MAST4: variants seen among roughly 807,000 people sequenced by gnomAD.
MAST4 encodes microtubule-associated serine/threonine-protein kinase 4.
Under a neutral mutation model 162.7 loss-of-function variants are expected in MAST4, and 89 were observed. The observed-to-expected ratio is 0.55, with a 90% CI of 0.46 to 0.65. MAST4 has a LOEUF of 0.65. Ranked by LOEUF, MAST4 falls within the 30% of genes least tolerant of loss-of-function variation. The pLI, the probability that MAST4 is intolerant of heterozygous loss-of-function variation, is 0.00. For missense variants in MAST4, 3,153 were observed against 3,374.0 expected (o/e 0.93, Z 1.62); for synonymous variants, 1,479 against 1,361.1 (o/e 1.09, Z -1.91).
chr5:66,942,415 A>C (rs968748724), intron 4 of MAST4, among the ~76,000 whole-genome samples: 15 of 152,176 alleles, frequency 9.9e-5, no homozygotes, highest in Non-Finnish European at 1.6e-4. Flanking sequence ...GGGGAATCCC[A>C]GTTAGGTTTC....
intron 3 of MAST4, among the ~76,000 whole-genome samples, chr5:66,845,899 A>G (rs1178666302): frequency 6.6e-6 from 1 of 152,116 alleles, no homozygotes; most frequent in Non-Finnish European, 1.5e-5. Context: ...CTGGGACTTC[A>G]AGGATGCTTT....
intron 3 of MAST4, among the ~76,000 whole-genome samples, chr5:66,824,258 T>C (rs1174554124): frequency 2.0e-5 from 3 of 152,206 alleles, no homozygotes; most frequent in African/African-American, 7.2e-5. Context: ...ACTGATGGTA[T>C]TGGAAATCAC....
At chr5:67,005,064 A>G (rs1751833400) in intron 4 of MAST4, 1 of 770,460 alleles carries the variant, frequency 1.3e-6, no homozygotes, top group African/African-American at 1.7e-5. Flanking sequence ...AGGAGTGGGA[A>G]CAGGCTTCGG....
In MAST4 at chr5:67,138,797, C is replaced by T. The variant is rs537380608; in HGVS notation, c.2494+2133C>T. 4.6e-5 allele frequency among the ~76,000 whole-genome samples: 7 copies of T among 152,208 alleles called. No homozygotes were observed. The South Asian group carries it at 1.5e-3, about 32-fold the overall frequency. On this transcript the variant is annotated intron_variant, in intron 19 of 28. Transcript: ENST00000403625. ...GTGTGGAATTTTCCACTTGTGGTGT[C>T]ATATCAGTGCTCAAAAAATTTCAGA... is the stretch of plus-strand genomic sequence containing the variant.
chr5:66,854,273 TTATC>T (rs1438030637), intron 3 of MAST4, among the ~76,000 whole-genome samples: 1 of 152,208 alleles, frequency 6.6e-6, no homozygotes, highest in Non-Finnish European at 1.5e-5. Context: ...CCTAGACTAT[TTATC>T]CATATTTTGG....
intron 3 of MAST4, 68 bp from the exon 4 acceptor site, chr5:66,899,883 C>T: frequency 8.2e-7 from 1 of 1,224,716 alleles, no homozygotes; most frequent in South Asian, 1.6e-5. Flanking sequence ...CTACGTTATC[C>T]ATTTGGTATC....
chr5:66,916,242 C>T (rs35199908), intron 4 of MAST4, among the ~76,000 whole-genome samples: 1 of 152,040 alleles, frequency 6.6e-6, no homozygotes, highest in East Asian at 1.9e-4. Context: ...CTGGTGGAGA[C>T]CAATGGCTTA....
intron 3 of MAST4, among the ~76,000 whole-genome samples, chr5:66,854,590 C>T (rs1759539475): frequency 6.6e-6 from 1 of 152,038 alleles, no homozygotes; most frequent in African/African-American, 2.4e-5. Context: ...CAACTCACTT[C>T]CATCAGACGG....
chr5:66,754,937 G>A lies in MAST4; in HGVS notation c.364-4772G>A, dbSNP rs1265170408. On this transcript the variant is annotated intron_variant, in intron 1 of 28. Coordinates refer to ENST00000403625, the MANE Select transcript of MAST4 (RefSeq NM_001164664.2). The stretch of plus-strand genomic sequence containing the variant: ...AGGTAGAGGAAATGATAAATGTAAG[G>A]TCCTGGGTGGGAAGAGCCTGGGGCA... Among the ~76,000 whole-genome samples, 8 of 152,292 alleles carry A rather than the reference G, an allele frequency of 5.3e-5. No homozygotes were observed. The East Asian group carries it at 5.8e-4, about 11-fold the overall frequency.
At chr5:66,823,500 C>A (rs953137192) in intron 3 of MAST4, among the ~76,000 whole-genome samples, 2 of 152,320 alleles carry the variant, frequency 1.3e-5, no homozygotes, top group Middle Eastern at 3.4e-3. Context: ...TGTTTTGAGA[C>A]TGAGTCTTGC....
intron 1 of MAST4, among the ~76,000 whole-genome samples, chr5:66,626,643 C>T (rs1189751116): frequency 2.0e-5 from 3 of 152,194 alleles, no homozygotes; most frequent in African/African-American, 7.2e-5. Context: ...AGACTGTAAG[C>T]AGTGTTTCCT....
chr5:67,107,173 G>T (rs941445473), intron 10 of MAST4, among the ~76,000 whole-genome samples: 1 of 152,176 alleles, frequency 6.6e-6, no homozygotes, highest in Non-Finnish European at 1.5e-5. Context: ...GCTTAGTCCT[G>T]TGTTTTTCAT....
intron 1 of MAST4, among the ~76,000 whole-genome samples, chr5:66,743,410 G>T (rs922319138): frequency 6.6e-6 from 1 of 152,244 alleles, no homozygotes; most frequent in Non-Finnish European, 1.5e-5. Context: ...GACCTGGGAA[G>T]AGAGAAGCTG....
intron 1 of MAST4, among the ~76,000 whole-genome samples, chr5:66,702,749 C>T (rs1291944671): frequency 6.6e-6 from 1 of 152,110 alleles, no homozygotes; most frequent in Non-Finnish European, 1.5e-5. Flanking sequence ...TTACCAGAGA[C>T]CTAATCAGGT....
rs776704393 is a variant in MAST4 at position 67,166,129 on chromosome 5, A to ACCAGAAACTGT, written c.6953_6963dup (p.Ala2322ArgfsTer22). 2.0e-5 allele frequency: 32 copies of ACCAGAAACTGT among 1,600,320 alleles called. No homozygotes were observed. The highest frequency in any genetic ancestry group is 2.7e-5 in the Non-Finnish European group (32 of 1,173,192). On this transcript the variant is annotated frameshift_variant, in exon 29 of 29. Coordinates refer to ENST00000403625, the MANE Select transcript of MAST4 (RefSeq NM_001164664.2). LOFTEE classifies it low-confidence loss of function (END_TRUNC). Reference sequence around the variant, plus strand: ...CACCCAGGGCCTAGTGAGCCAGCGGACCAGAAACTGTCCGCTGTTGGTGAA... The same window carrying ACCAGAAACTGT: ...CACCCAGGGCCTAGTGAGCCAGCGGACCAGAAACTGTCCAGAAACTGTCCGCTGTTGGTGAA...
intron 3 of MAST4, among the ~76,000 whole-genome samples, chr5:66,847,833 A>AAAAAG (rs1181803457): frequency 6.6e-6 from 1 of 150,968 alleles, no homozygotes; most frequent in Non-Finnish European, 1.5e-5. Flanking sequence ...AAAAAAAAAA[A>AAAAAG]AAAAAAAAAA....
At chr5:66,876,086 T>TA (rs1394140638) in intron 3 of MAST4, among the ~76,000 whole-genome samples, 2 of 152,152 alleles carry the variant, frequency 1.3e-5, no homozygotes, top group Non-Finnish European at 2.9e-5. Context: ...CTATACTTTT[T>TA]AAAAAAATGC....
At chr5:67,129,415 A>G (rs1480592290) in intron 14 of MAST4, among the ~76,000 whole-genome samples, 1 of 152,168 alleles carries the variant, frequency 6.6e-6, no homozygotes, top group Non-Finnish European at 1.5e-5. Context: ...CAATGGTATC[A>G]TTTAGAAAAT....
chr5:66,617,513 C>T (rs919832535), intron 1 of MAST4, among the ~76,000 whole-genome samples: 3 of 151,376 alleles, frequency 2.0e-5, no homozygotes, highest in African/African-American at 4.9e-5. Flanking sequence ...CATGAATGGA[C>T]GTATCAATTT....
Sources: allele counts gnomAD v4.1 joint callset (sites outside exome capture counted in the v4.1 genomes callset), GRCh38; gene constraint gnomAD v4.1.1; transcripts MANE v1.5; gene names NCBI Gene and HGNC (gene_info 2026-07-23, HGNC 2026-07-21).